Variants in FREM2 observed in about 807,000 individuals in gnomAD.
The protein encoded by FREM2 is FRAS1 related extracellular matrix 2, also known as FRAS1-related extracellular matrix protein 2.
A neutral mutation model predicts 219.9 loss-of-function variants in FREM2; 119 were observed. The observed-to-expected ratio is 0.54, with a 90% CI of 0.47 to 0.63. FREM2 has a LOEUF of 0.63. Ranked by LOEUF, FREM2 falls within the 30% of genes least tolerant of loss-of-function variation. The pLI, the probability that FREM2 is intolerant of heterozygous loss-of-function variation, is 0.00. For synonymous variants in FREM2, 1,562 were observed against 1,522.8 expected, an observed-to-expected ratio of 1.03 and a Z score of -0.60; for missense variants, 4,030 against 3,993.6, an observed-to-expected ratio of 1.01 and a Z score of -0.25.
rs1229778085 is a variant in FREM2, at chr13:38,856,199, G to A, written c.6999G>A (p.Met2333Ile). 1 of 1,612,558 alleles carries A rather than the reference G, an allele frequency of 6.2e-7. No homozygotes were observed. Among genetic ancestry groups the A allele is most frequent in the South Asian group, 1.1e-5 (1 of 91,040 alleles). Residue 2333 changes from methionine (M) to isoleucine (I), a missense_variant, in exon 12 of 24, where the codon ATG (methionine) becomes ATA (isoleucine). By Grantham distance (10) the Met-to-Ile change is conservative. This residue lies in a region of FREM2 where 3,102 missense variants were observed against 2,950.7 expected (regional missense o/e 1.05). Coordinates refer to ENST00000280481, the MANE Select transcript of FREM2 (RefSeq NM_207361.6). ...IEVTFDGVREMREAFTVHLKP... is the reference protein window; with the variant it reads ...IEVTFDGVREIREAFTVHLKP... ...TTACCTTTGACGGGGTGAGAGAGATGAGAGAGGCCTTCACTGTTCACCTAA... is the reference window on the plus strand; with the variant it reads ...TTACCTTTGACGGGGTGAGAGAGATAAGAGAGGCCTTCACTGTTCACCTAA...
chr13:38,858,253 AT>A (rs1381955562), intron 13 of FREM2, among the ~76,000 whole-genome samples: 1 of 152,222 alleles, frequency 6.6e-6, no homozygotes, highest in African/African-American at 2.4e-5. Context: ...ATAGTGTGTT[AT>A]CTCAGTCTGT....
chr13:38,838,097 C>G (rs528799307), intron 6 of FREM2, among the ~76,000 whole-genome samples: 1 of 152,236 alleles, frequency 6.6e-6, no homozygotes, highest in Admixed American at 6.5e-5. Context: ...GTGGCTGGTA[C>G]TGGTTTTTCC....
rs775987605 is a variant in FREM2 at position 38,690,262 on chromosome 13, A to T, written c.2918A>T (p.Asn973Ile). 4 of 1,614,110 alleles carry T rather than the reference A, an allele frequency of 2.5e-6. No homozygotes were observed. In the African/African-American group the frequency reaches 5.3e-5, roughly 22 times the overall value. ...EITANVIKGT[N>I]EETDDLMLTF... ...ACTGCCAATGTTATTAAGGGGACCA[A>T]TGAGGAAACTGATGACTTGATGTTG... is the stretch of plus-strand genomic sequence containing the variant. The change falls in exon 1 of 24, where the codon AAT becomes ATT. Residue 973 changes from asparagine (N) to isoleucine (I), a missense_variant. Physicochemically the swap from Asn to Ile is moderately radical, Grantham distance 149. Around this residue, in one of 2 missense-constraint regions of FREM2, gnomAD observed 3,102 missense variants for 2,950.7 expected, o/e 1.05. Transcript: ENST00000280481.
intron 16 of FREM2, 30 bp downstream of exon 16, chr13:38,864,636 A>G: frequency 6.3e-7 from 1 of 1,580,164 alleles, no homozygotes; most frequent in Non-Finnish European, 8.7e-7. Context: ...GAGTTTGGTC[A>G]CTGGATAAAC....
chr13:38,839,500 ATCT>A (rs1876856312), intron 6 of FREM2, among the ~76,000 whole-genome samples: 2 of 152,252 alleles, frequency 1.3e-5, no homozygotes, highest in Admixed American at 6.5e-5. Flanking sequence ...GTGCTGGGAG[ATCT>A]TCTGCTCTCT....
At chr13:38,840,731 T>TACAC (rs373084826) in intron 6 of FREM2, among the ~76,000 whole-genome samples, 1 of 150,056 alleles carries the variant, frequency 6.7e-6, no homozygotes, top group Non-Finnish European at 1.5e-5. Flanking sequence ...TATATATATA[T>TACAC]ACACACACAC....
At chr13:38,880,219 A>G (rs1878489981) in intron 23 of FREM2, 65 bp from the exon 24 acceptor site, 2 of 1,487,654 alleles carry the variant, frequency 1.3e-6, no homozygotes, top group African/African-American at 1.4e-5. Context: ...TTCTCTTGCA[A>G]AGAGTCGTGG....
chr13:38,797,201 G>T (rs1430691013), intron 6 of FREM2, among the ~76,000 whole-genome samples: 2 of 151,942 alleles, frequency 1.3e-5, no homozygotes, highest in Non-Finnish European at 2.9e-5. Context: ...TATGGTGATT[G>T]TACTAATTTA....
At chr13:38,826,994 C>T (rs1231286052) in intron 6 of FREM2, among the ~76,000 whole-genome samples, 1 of 152,042 alleles carries the variant, frequency 6.6e-6, no homozygotes, top group African/African-American at 2.4e-5. Flanking sequence ...ATATCATGTT[C>T]CTCCCTTTTT....
rs572609074 is a variant in FREM2, at chr13:38,728,827, C to CATTT, written c.5263+31061_5263+31064dup. On this transcript the variant is annotated intron_variant, in intron 2 of 23. Coordinates refer to ENST00000280481, the MANE Select transcript of FREM2 (RefSeq NM_207361.6). The stretch of plus-strand genomic sequence containing the variant: ...GAAATGCTGCCTACCTTATCCTTCT[C>CATTT]ATTTATTTATTTATTTATTTATTTT... Among the ~76,000 whole-genome samples, 1,174 of 151,984 alleles carry CATTT rather than the reference C, an allele frequency of 7.7e-3. 8 individuals carry two copies. Among genetic ancestry groups the CATTT allele is most frequent in the African/African-American group, 0.023 (940 of 41,480 alleles).
At chr13:38,805,069 T>C (rs1157038741) in intron 6 of FREM2, among the ~76,000 whole-genome samples, 1 of 152,052 alleles carries the variant, frequency 6.6e-6, no homozygotes, top group African/African-American at 2.4e-5. Flanking sequence ...AAAAGCACTT[T>C]AAAAACCAAG....
chr13:38,688,341 T>C lies in FREM2; in HGVS notation c.997T>C (p.Phe333Leu). 5.6e-6 allele frequency: 9 copies of C among 1,614,124 alleles called. No homozygotes were observed. Among genetic ancestry groups the C allele is most frequent in the Non-Finnish European group, 7.6e-6 (9 of 1,180,020 alleles). ...CATGATGATGATGGAGGTGGACCAG[T>C]TTGTACTGACGGCCCTGACCCCAGA... ...VAMMMMEVDQ[F>L]VLTALTPDML... is the part of the protein sequence containing the mutation. The change falls in exon 1 of 24, where the codon TTT (phenylalanine) becomes CTT (leucine). Residue 333 changes from phenylalanine (F) to leucine (L), a missense_variant. By Grantham distance (22) the Phe-to-Leu change is conservative (BLOSUM62 0). This residue lies in a region of FREM2 where 3,102 missense variants were observed against 2,950.7 expected (regional missense o/e 1.05). Coordinates refer to ENST00000280481, the MANE Select transcript of FREM2 (RefSeq NM_207361.6).
In FREM2 at chr13:38,734,738, C is replaced by CTTT. The variant is rs11314517; in HGVS notation, c.5264-29544_5264-29542dup. Among the ~76,000 whole-genome samples, 267 of 89,378 alleles carry CTTT rather than the reference C, an allele frequency of 3.0e-3. 15 individuals carry two copies. Among genetic ancestry groups the CTTT allele is most frequent in the Non-Finnish European group, 4.3e-3 (215 of 50,474 alleles). 58.6% of individuals were successfully genotyped at this position (89,378 alleles called of 152,430 possible). ...TAGTGAGAAGAATTGCAGTGCTATA[C>CTTT]TTTTTTTTTTTTTTTTTTTTTTTTC... On this transcript the variant is annotated intron_variant, in intron 2 of 23. Coordinates refer to ENST00000280481, the MANE Select transcript of FREM2 (RefSeq NM_207361.6).
rs145126310 is a variant in FREM2 at position 38,846,587 on chromosome 13, T to C, written c.6034T>C (p.Phe2012Leu). The change falls in exon 7 of 24, where the codon TTC becomes CTC. Residue 2012 changes from phenylalanine (F) to leucine (L), a missense_variant. This residue lies in a region of FREM2 where 3,102 missense variants were observed against 2,950.7 expected (regional missense o/e 1.05). Coordinates refer to ENST00000280481, the MANE Select transcript of FREM2 (RefSeq NM_207361.6). ...PDKDDEPIFYFGDVEYSVDES... is the reference protein window; with the variant it reads ...PDKDDEPIFYLGDVEYSVDES... ...TTTCTTAACAGAACCCATCTTTTAC[T>C]TCGGTGATGTGGAATACTCTGTGGA... 3 of 1,613,556 alleles carry C rather than the reference T, an allele frequency of 1.9e-6. No individual in the cohort carries two copies. In the African/African-American group the frequency reaches 4.0e-5, roughly 22 times the overall value.
chr13:38,840,625 AATATAT>A (rs66795118), intron 6 of FREM2, among the ~76,000 whole-genome samples: 4 of 135,114 alleles, frequency 3.0e-5, no homozygotes, highest in African/African-American at 9.5e-5. Flanking sequence ...ATAAAACTAA[AATATAT>A]ATATATATAT....
intron 2 of FREM2, among the ~76,000 whole-genome samples, chr13:38,751,940 A>G (rs991133890): frequency 2.0e-5 from 3 of 151,772 alleles, no homozygotes; most frequent in African/African-American, 7.3e-5. Context: ...CAGCTTTTAT[A>G]TTAATCTGAG....
chr13:38,690,382 C>G lies in FREM2; in HGVS notation c.3038C>G (p.Ser1013Cys). The change falls in exon 1 of 24, where the codon TCT (serine) becomes TGT (cysteine). Residue 1013 changes from serine (S) to cysteine (C), a missense_variant. Ser to Cys is a moderately radical substitution (Grantham distance 112, BLOSUM62 -1). Coordinates refer to ENST00000280481, the MANE Select transcript of FREM2 (RefSeq NM_207361.6). ...QFTQRDILEG[S>C]VVYTHTSGEI... is the part of the protein sequence containing the mutation. ...ACTCAAAGGGACATCTTGGAGGGCT[C>G]TGTTGTATATACCCACACCAGTGGT... is the stretch of plus-strand genomic sequence containing the variant. 2 of 1,614,212 alleles carry G rather than the reference C, an allele frequency of 1.2e-6. No homozygotes were observed. The highest frequency in any genetic ancestry group is 1.7e-6 in the Non-Finnish European group (2 of 1,180,032).
At position 38,699,790 on chromosome 13, in the gene FREM2, T is replaced by C. The variant is rs76045444; in HGVS notation, c.5263+2003T>C. ...TTGGTATCCCTAAATTGTTTTAACC[T>C]GATTCTTAAATTTTTTTAGGATTTT... On this transcript the variant is annotated intron_variant, in intron 2 of 23. Coordinates refer to ENST00000280481, the MANE Select transcript of FREM2 (RefSeq NM_207361.6). 4.6e-3 allele frequency among the ~76,000 whole-genome samples: 697 copies of C among 152,274 alleles called. 12 individuals are homozygous for C. Among genetic ancestry groups the C allele is most frequent in the African/African-American group, 0.016 (666 of 41,578 alleles).
intron 23 of FREM2, among the ~76,000 whole-genome samples, chr13:38,879,712 A>G (rs964076588): frequency 2.0e-5 from 3 of 152,202 alleles, no homozygotes; most frequent in Admixed American, 1.3e-4. Context: ...GAAGTATGAT[A>G]TGTTTTATTT....
Sources: gnomAD v4.1 joint callset for allele counts (sites outside exome capture counted in the v4.1 genomes callset) on GRCh38, gnomAD v4.1.1 for gene constraint, gnomAD v4.1.1 regional missense constraint, MANE v1.5 for transcripts, NCBI Gene and HGNC (gene_info 2026-07-23, HGNC 2026-07-21) for gene names.